The following VPS13A variants were observed in gnomAD, a reference collection of about 807,000 sequenced individuals.
The protein encoded by VPS13A is intermembrane lipid transfer protein VPS13A.
VPS13A carries 264 observed loss-of-function variants against 390.9 expected under a neutral mutation model. That is an observed-to-expected ratio of 0.68 (90% CI 0.61 to 0.75). The LOEUF is 0.75. VPS13A is among the 30% of genes least tolerant of loss of function. The probability of loss-of-function intolerance (pLI) is 0.00; values close to 1 mark genes in which losing one functional copy is unlikely to be tolerated. For missense variants in VPS13A, 3,409 were observed against 3,733.9 expected (o/e 0.91, Z 2.27); for synonymous variants, 1,231 against 1,227.1 (o/e 1.00, Z -0.07).
intron 31 of VPS13A, among the ~76,000 whole-genome samples, chr9:77,291,440 G>A (rs1827654146): frequency 6.6e-6 from 1 of 152,158 alleles, no homozygotes; most frequent in Admixed American, 6.5e-5. Flanking sequence ...TGGAAACGGG[G>A]ATGCCTCTTT....
intron 17 of VPS13A, among the ~76,000 whole-genome samples, chr9:77,234,691 C>T (rs1002863397): frequency 2.0e-5 from 3 of 152,016 alleles, no homozygotes; most frequent in African/African-American, 7.2e-5. Context: ...AGAAGTTCTG[C>T]CATTTTGCTA....
chr9:77,213,057 T>A (rs1286960416), intron 8 of VPS13A, 29 bp downstream of exon 8: 6 of 1,612,812 alleles, frequency 3.7e-6, no homozygotes, highest in Non-Finnish European at 5.1e-6. Flanking sequence ...TGTCAACTCA[T>A]GGACTTAAGA....
intron 46 of VPS13A, among the ~76,000 whole-genome samples, chr9:77,333,596 CAG>C (rs1419684509): frequency 1.3e-5 from 2 of 151,678 alleles, no homozygotes; most frequent in African/African-American, 4.8e-5. Flanking sequence ...GTATTTTTAG[CAG>C]AGACAGGGTT....
intron 34 of VPS13A, among the ~76,000 whole-genome samples, chr9:77,306,414 TTGTGTGTGTGTGTGTGTGTGTG>T (rs60382346): frequency 1.4e-5 from 2 of 140,782 alleles, no homozygotes; most frequent in Non-Finnish European, 3.1e-5. Flanking sequence ...GTGTGTGTGT[TTGTGTGTGTGTGTGTGTGTGTG>T]TGTGTGTGTG....
chr9:77,328,367 T>C (rs1020540616), intron 45 of VPS13A, among the ~76,000 whole-genome samples: 1 of 152,234 alleles, frequency 6.6e-6, no homozygotes, highest in Non-Finnish European at 1.5e-5. Context: ...AGCATATTCT[T>C]AAAGGCCCTG....
intron 51 of VPS13A, 98 bp from the exon 52 acceptor site, chr9:77,344,906 AAAATT>A: frequency 7.4e-7 from 1 of 1,356,908 alleles, no homozygotes; most frequent in Non-Finnish European, 1.0e-6. Context: ...AGTCATCCCA[AAAATT>A]AAATTATCAA....
intron 1 of VPS13A, among the ~76,000 whole-genome samples, chr9:77,189,270 C>G (rs1159707555): frequency 6.6e-6 from 1 of 150,956 alleles, no homozygotes; most frequent in Non-Finnish European, 1.5e-5. Context: ...TTTAATCTAT[C>G]TTGAGTTGAT....
At chr9:77,261,551 GAATTTTA>G (rs1825762169) in intron 23 of VPS13A, among the ~76,000 whole-genome samples, 1 of 148,396 alleles carries the variant, frequency 6.7e-6, no homozygotes, top group Admixed American at 6.7e-5. Flanking sequence ...AAGAGGATGT[GAATTTTA>G]AATTTTGATT....
Position 77,199,955 on chromosome 9 carries a change from C to T in VPS13A, c.111C>T (p.Ala37=). The T allele has an allele frequency of 6.2e-7, 1 of 1,604,990 alleles. No individual in the cohort carries two copies. The highest frequency in any genetic ancestry group is 2.2e-5 in the East Asian group (1 of 44,604). ...LSLGIWKGAV[A]LKNLQIKENA... is the part of the protein sequence containing the mutation. ...TTTAATCTTTTTTAGGAGCTGTGGC[C>T]CTCAAGAATCTTCAAATTAAAGAAA... The change falls in exon 2 of 72, where the codon GCC becomes GCT. Residue 37 remains alanine (A), a synonymous_variant. Coordinates refer to ENST00000360280, the MANE Select transcript of VPS13A (RefSeq NM_033305.3).
chr9:77,312,556 A>G (rs1171722969), intron 35 of VPS13A, among the ~76,000 whole-genome samples: 3 of 151,928 alleles, frequency 2.0e-5, no homozygotes, highest in South Asian at 4.2e-4. Context: ...CCTCCCAAGT[A>G]GCTGGGATTA....
At chr9:77,359,463 G>T (rs1587655636) in intron 58 of VPS13A, 61 bp downstream of exon 58, 7 of 1,364,732 alleles carry the variant, frequency 5.1e-6, no homozygotes, top group Non-Finnish European at 7.2e-6. Context: ...TATATGAATT[G>T]TTTGTACTCT....
intron 1 of VPS13A, among the ~76,000 whole-genome samples, chr9:77,194,650 C>A (rs1824883530): frequency 6.6e-6 from 1 of 152,156 alleles, no homozygotes; most frequent in Admixed American, 6.5e-5. Flanking sequence ...AGGTCCATGA[C>A]AAGAACAGGC....
chr9:77,357,327 AAAAAAAAAAAAAAAAG>A (rs1383116976), intron 55 of VPS13A, among the ~76,000 whole-genome samples: 1 of 129,534 alleles, frequency 7.7e-6, no homozygotes, highest in Admixed American at 7.5e-5. Context: ...AAAAAAAAAA[AAAAAAAAAAAAAAAAG>A]AAAAGAAAAC....
intron 68 of VPS13A, chr9:77,395,802 GTAGATTTTAAGAATTTAAAAGAA>G (rs1433739296): frequency 5.3e-5 from 8 of 152,170 alleles, no homozygotes; most frequent in African/African-American, 7.2e-5. Context: ...CTATTTAAGA[GTAGATTTTAAGAATTTAAAAGAA>G]TAGATTTTAA....
chr9:77,213,271 T>C lies in VPS13A; in HGVS notation c.653T>C (p.Val218Ala). The change falls in exon 9 of 72, where the codon GTG becomes GCG. Residue 218 changes from valine (V) to alanine (A), a missense_variant. Transcript: ENST00000360280. ...GATAACCTGTTTGCCTATTGGAATGTGAAGTCTCAGATGTTTTATCTTAGT... is the reference window on the plus strand; with the variant it reads ...GATAACCTGTTTGCCTATTGGAATGCGAAGTCTCAGATGTTTTATCTTAGT... Reference protein sequence around the residue: ...RLDNLFAYWNVKSQMFYLSDY... With the variant: ...RLDNLFAYWNAKSQMFYLSDY... 6.2e-7 allele frequency: 1 copy of C among 1,613,794 alleles called. No individual in the cohort carries two copies. Among genetic ancestry groups the C allele is most frequent in the Non-Finnish European group, 8.5e-7 (1 of 1,179,866 alleles).
At chr9:77,180,370 C>A (rs970941859) in intron 1 of VPS13A, among the ~76,000 whole-genome samples, 5 of 152,200 alleles carry the variant, frequency 3.3e-5, no homozygotes, top group Non-Finnish European at 7.3e-5. Flanking sequence ...ATTTCTTCAT[C>A]AGATATGTAA....
chr9:77,181,033 G>A (rs1823984623), intron 1 of VPS13A, among the ~76,000 whole-genome samples: 1 of 152,142 alleles, frequency 6.6e-6, no homozygotes, highest in South Asian at 2.1e-4. Flanking sequence ...CTAGGCAACA[G>A]ACAGCGAGAC....
intron 1 of VPS13A, among the ~76,000 whole-genome samples, chr9:77,179,386 G>T (rs1016522570): frequency 2.0e-5 from 3 of 152,024 alleles, no homozygotes; most frequent in African/African-American, 7.2e-5. Context: ...ATCTCACCCC[G>T]CCACCACGCC....
At chr9:77,353,378 T>C (rs781487291) in intron 53 of VPS13A, 31 bp from the exon 54 acceptor site, 1 of 507,280 alleles carries the variant, frequency 2.0e-6, no homozygotes, top group African/African-American at 2.5e-5. Context: ...AATTTTTTGG[T>C]TTTTTTTTTT....
Sources: allele counts gnomAD v4.1 joint callset (sites outside exome capture counted in the v4.1 genomes callset), GRCh38; gene constraint gnomAD v4.1.1; transcripts MANE v1.5; gene names NCBI Gene and HGNC (gene_info 2026-07-23, HGNC 2026-07-21).